Variants in STX6 observed in about 807,000 individuals in gnomAD.
The protein encoded by STX6 is syntaxin 6.
Under a neutral mutation model 38.0 loss-of-function variants are expected in STX6, and 23 were observed. The observed-to-expected ratio is 0.60, with a 90% confidence interval of 0.43 to 0.86. The LOEUF (loss-of-function observed/expected upper bound fraction) is 0.86, where lower values mean the gene tolerates loss of function less well. Ranked by LOEUF, STX6 falls within the 40% of genes least tolerant of loss-of-function variation. STX6 has a pLI of 0.00. For missense variants in STX6, 274 were observed against 312.9 expected, an observed-to-expected ratio of 0.88 and a Z score of 0.94; for synonymous variants, 123 against 107.5, an observed-to-expected ratio of 1.14 and a Z score of -0.89.
At chr1:180,992,810 CTTAAT>C (rs949569399) in intron 4 of STX6, among the ~76,000 whole-genome samples, 8 of 152,246 alleles carry the variant, frequency 5.3e-5, no homozygotes, top group African/African-American at 1.9e-4. Flanking sequence ...CAAAGAGAAA[CTTAAT>C]TTAACACACA....
chr1:180,978,974 G>A (rs1459511010), intron 7 of STX6, among the ~76,000 whole-genome samples: 1 of 152,200 alleles, frequency 6.6e-6, no homozygotes. Flanking sequence ...CAGAACCAGA[G>A]TCAGATACAG....
chr1:180,991,597 G>A (rs544746911), intron 4 of STX6, among the ~76,000 whole-genome samples: 2 of 152,162 alleles, frequency 1.3e-5, no homozygotes, highest in Non-Finnish European at 2.9e-5. Flanking sequence ...AATCATCCAC[G>A]TTTTATTGTG....
intron 7 of STX6, among the ~76,000 whole-genome samples, chr1:180,977,301 CAACTT>C (rs537626791): frequency 1.4e-3 from 207 of 152,354 alleles, no homozygotes; most frequent in African/African-American, 4.8e-3. Flanking sequence ...GCACAGGAAA[CAACTT>C]GACTAGAGTC....
At chr1:181,022,543 C>G in intron 1 of STX6, 96 bp downstream of exon 1, 1 of 1,321,996 alleles carries the variant, frequency 7.6e-7, no homozygotes, top group Non-Finnish European at 1.1e-6. Flanking sequence ...CCAGCTCCAA[C>G]TTGCCTCCCC....
chr1:181,003,188 G>A (rs1010349395), intron 2 of STX6, among the ~76,000 whole-genome samples: 4 of 152,118 alleles, frequency 2.6e-5, no homozygotes, highest in Non-Finnish European at 5.9e-5. Context: ...CTGGTCCGAC[G>A]CACCATGTCA....
At chr1:180,993,564 T>A in intron 3 of STX6, 139 bp from the exon 4 acceptor site, 1 of 523,596 alleles carries the variant, frequency 1.9e-6, no homozygotes, top group Non-Finnish European at 3.4e-6. Flanking sequence ...TTATTTTCAG[T>A]CTCAAAAATA....
At chr1:180,992,081 T>C (rs1034102624) in intron 4 of STX6, among the ~76,000 whole-genome samples, 1 of 151,986 alleles carries the variant, frequency 6.6e-6, no homozygotes, top group African/African-American at 2.4e-5. Flanking sequence ...TTCAGTTACT[T>C]CCACTTCCTA....
In STX6 at chr1:181,022,738, C is replaced by A; in HGVS notation, c.-65G>T. The A allele has an allele frequency of 6.7e-7, 1 of 1,503,178 alleles. No individual in the cohort carries two copies. Among genetic ancestry groups the A allele is most frequent in the Non-Finnish European group, 9.0e-7 (1 of 1,105,452 alleles). 93.1% of individuals were successfully genotyped at this position (1,503,178 alleles called of 1,614,324 possible). A position where few individuals can be genotyped will look rare whatever the true frequency, so the allele number is the denominator to read the frequency against. ...AGGGCGCCCGTGCCTCCCGGTCTCC[C>A]TCCGCCCACCCCGCCTGTTCCCGCA... is the stretch of plus-strand genomic sequence containing the variant. On this transcript the variant is annotated 5_prime_UTR_variant, in exon 1 of 8. The change creates a new upstream start codon in the 5' untranslated region. Transcript: ENST00000258301.
chr1:181,011,861 A>C (rs1656411186), intron 1 of STX6, among the ~76,000 whole-genome samples: 1 of 152,194 alleles, frequency 6.6e-6, no homozygotes, highest in Non-Finnish European at 1.5e-5. Context: ...GGAGCACTTC[A>C]CTTTGAGGAG....
At chr1:181,001,521 C>T (rs571519632) in intron 3 of STX6, among the ~76,000 whole-genome samples, 2 of 152,150 alleles carry the variant, frequency 1.3e-5, no homozygotes, top group Admixed American at 6.5e-5. Context: ...CTGATAGATG[C>T]TTGTTTGCTC....
intron 5 of STX6, 27 bp downstream of exon 5, chr1:180,989,957 G>A (rs777825506): frequency 2.9e-5 from 46 of 1,612,398 alleles, no homozygotes; most frequent in Non-Finnish European, 3.5e-5. Context: ...CCACTGGCCC[G>A]TCCTAAGTCT....
intron 6 of STX6, 55 bp from the exon 7 acceptor site, chr1:180,984,826 A>C (rs1359834449): frequency 5.1e-6 from 4 of 779,954 alleles, no homozygotes; most frequent in African/African-American, 1.7e-5. Context: ...TTGGCAGTGC[A>C]CTTGCACTGG....
intron 3 of STX6, among the ~76,000 whole-genome samples, chr1:180,993,665 T>G (rs1319746884): frequency 2.7e-5 from 4 of 148,052 alleles, no homozygotes; most frequent in Non-Finnish European, 6.0e-5. Flanking sequence ...GAATTAACAT[T>G]TACCAGGTAC....
chr1:180,978,620 T>C (rs1655316953), intron 7 of STX6, among the ~76,000 whole-genome samples: 1 of 152,220 alleles, frequency 6.6e-6, no homozygotes, highest in Admixed American at 6.5e-5. Flanking sequence ...CAGAGCACTC[T>C]GTTCTAAACA....
At chr1:180,982,999 G>A (rs1487312604) in intron 7 of STX6, among the ~76,000 whole-genome samples, 7 of 152,172 alleles carry the variant, frequency 4.6e-5, no homozygotes, top group East Asian at 1.9e-4. Context: ...GGTCCATTGC[G>A]CCTTGGGGCC....
intron 1 of STX6, among the ~76,000 whole-genome samples, chr1:181,016,879 G>C (rs1347042186): frequency 6.6e-6 from 1 of 151,660 alleles, no homozygotes; most frequent in African/African-American, 2.4e-5. Context: ...CTGAGGTCAG[G>C]AGTTCAAGAC....
intron 1 of STX6, among the ~76,000 whole-genome samples, chr1:181,011,154 T>C (rs554297713): frequency 2.0e-5 from 3 of 152,366 alleles, no homozygotes; most frequent in South Asian, 4.1e-4. Flanking sequence ...AGAGGATTCA[T>C]GTTTAGTTTT....
intron 2 of STX6, 22 bp downstream of exon 2, chr1:181,005,272 C>G (rs777366370): frequency 6.2e-7 from 1 of 1,605,120 alleles, no homozygotes; most frequent in South Asian, 1.1e-5. Context: ...CCGAATGGCA[C>G]AGACACCACA....
In STX6 at chr1:180,972,759, G is replaced by C. The variant is rs370893196; in HGVS notation, c.*3811C>G. Reference sequence around the variant, plus strand: ...GGTTGTTTTATTTTCCTTTTCCGGAGACTTTTGTACATACTGTTGTCCTGA... The same window carrying C: ...GGTTGTTTTATTTTCCTTTTCCGGACACTTTTGTACATACTGTTGTCCTGA... On this transcript the variant is annotated 3_prime_UTR_variant, in exon 8 of 8. Transcript: ENST00000258301. 1.3e-5 allele frequency: 5 copies of C among 394,358 alleles called. No individual in the cohort carries two copies. The highest frequency in any genetic ancestry group is 8.6e-5 in the Admixed American group (3 of 35,024). 24.4% of individuals were successfully genotyped at this position (394,358 alleles called of 1,614,324 possible).
Sources: allele counts gnomAD v4.1 joint callset (sites outside exome capture counted in the v4.1 genomes callset), GRCh38; gene constraint gnomAD v4.1.1; transcripts MANE v1.5; gene names NCBI Gene and HGNC (gene_info 2026-07-23, HGNC 2026-07-21).